BIRC6: variants seen among roughly 807,000 people sequenced by gnomAD.
BIRC6 encodes baculoviral IAP repeat containing 6.
Under a neutral mutation model 503.3 loss-of-function variants are expected in BIRC6, and 98 were observed. That is an observed-to-expected ratio of 0.19 (90% confidence interval 0.17 to 0.23). The LOEUF (loss-of-function observed/expected upper bound fraction) is 0.23. Among genes scored for constraint, BIRC6 ranks in the 10% least tolerant of loss-of-function variants. BIRC6 has a pLI of 1.00. For synonymous variants in BIRC6, 2,240 were observed against 2,078.7 expected (o/e 1.08, Z -2.11); for missense variants, 5,360 against 5,806.0 (o/e 0.92, Z 2.50).
chr2:32,601,109 C>T (rs1198866935), intron 70 of BIRC6, among the ~76,000 whole-genome samples: 1 of 152,226 alleles, frequency 6.6e-6, no homozygotes, highest in Non-Finnish European at 1.5e-5. Flanking sequence ...GTTGCACAAG[C>T]TTGCACTAAA....
intron 61 of BIRC6, among the ~76,000 whole-genome samples, chr2:32,542,899 A>G (rs1473927812): frequency 1.3e-5 from 2 of 152,098 alleles, no homozygotes; most frequent in African/African-American, 4.8e-5. Flanking sequence ...TCCTGGGTTC[A>G]AGTGTTTCTC....
intron 66 of BIRC6, among the ~76,000 whole-genome samples, chr2:32,592,220 G>T (rs1437868868): frequency 6.6e-6 from 1 of 152,150 alleles, no homozygotes; most frequent in Non-Finnish European, 1.5e-5. Flanking sequence ...GTCATTTCCT[G>T]AGTGGTAAAG....
chr2:32,482,401 A>G, intron 38 of BIRC6, 28 bp from the exon 39 acceptor site: 1 of 1,601,934 alleles, frequency 6.2e-7, no homozygotes. Flanking sequence ...GCAAAAATAA[A>G]CCACAGTTTT....
At chr2:32,437,347 TG>T (rs975662690) in intron 15 of BIRC6, among the ~76,000 whole-genome samples, 5 of 152,128 alleles carry the variant, frequency 3.3e-5, no homozygotes, top group African/African-American at 9.7e-5. Context: ...TTTTGTATTC[TG>T]GGGGTAAATA....
intron 16 of BIRC6, among the ~76,000 whole-genome samples, chr2:32,439,940 G>A (rs962795845): frequency 6.6e-6 from 1 of 152,006 alleles, no homozygotes; most frequent in African/African-American, 2.4e-5. Flanking sequence ...ATGCAGTGGC[G>A]CAAACTCGGC....
chr2:32,485,355 C>G (rs2050875388), intron 39 of BIRC6, among the ~76,000 whole-genome samples: 1 of 152,204 alleles, frequency 6.6e-6, no homozygotes, highest in Non-Finnish European at 1.5e-5. Context: ...GCACTTTATT[C>G]TGACAGTGAG....
intron 54 of BIRC6, among the ~76,000 whole-genome samples, chr2:32,514,454 A>G (rs1415575198): frequency 6.6e-6 from 1 of 152,238 alleles, no homozygotes; most frequent in African/African-American, 2.4e-5. Context: ...ACTGATAGCT[A>G]ACTATTAAGT....
At chr2:32,557,863 A>G (rs893872428) in intron 65 of BIRC6, 1 of 152,216 alleles carries the variant, frequency 6.6e-6, no homozygotes, top group African/African-American at 2.4e-5. Flanking sequence ...TTCCCAGAAA[A>G]TGTCTTCATC....
rs913752909 is a variant in BIRC6 at position 32,529,811 on chromosome 2, A to G, written c.12081A>G (p.Leu4027=). 11 of 1,607,068 alleles carry G rather than the reference A, an allele frequency of 6.8e-6. No individual in the cohort carries two copies. Among genetic ancestry groups the G allele is most frequent in the Non-Finnish European group, 8.5e-6 (10 of 1,176,756 alleles). ...CAAAAACAGATTCTTATAAAAGACT[A>G]CACCCTGAAAAAGGTATGTGCATAA... The part of the protein sequence containing the change: ...SLSKTDSYKR[L]HPEKDHGDLL... Residue 4027 remains leucine, a synonymous_variant, in exon 60 of 74, where the codon CTA becomes CTG. Coordinates refer to ENST00000421745, the MANE Select transcript of BIRC6 (RefSeq NM_016252.4).
chr2:32,529,330 G>GC (rs796621581), intron 59 of BIRC6: 55 of 215,792 alleles, frequency 2.5e-4, no homozygotes, highest in African/African-American at 9.8e-4. Context: ...AGACTATATG[G>GC]CCCCCCCAGG....
chr2:32,486,706 T>G (rs1276602096), intron 40 of BIRC6, among the ~76,000 whole-genome samples: 1 of 152,222 alleles, frequency 6.6e-6, no homozygotes, highest in Non-Finnish European at 1.5e-5. Context: ...TTTTTACATC[T>G]TCCTTATGTT....
At position 32,529,677 on chromosome 2, in the gene BIRC6, C is replaced by T. The variant is rs1279591157; in HGVS notation, c.11947C>T (p.Leu3983Phe). Residue 3983 changes from leucine to phenylalanine, a missense_variant, in exon 60 of 74, where the codon CTT becomes TTT. Leu to Phe is a conservative substitution (Grantham distance 22). This residue lies in a region of BIRC6 where 878 missense variants were observed against 928.9 expected (regional missense o/e 0.95). Transcript: ENST00000421745. ...AGQPLPAEMTLAQLLTLLYDR... is the reference protein window; with the variant it reads ...AGQPLPAEMTFAQLLTLLYDR... The stretch of plus-strand genomic sequence containing the variant: ...CCAGCCATTGCCAGCTGAAATGACA[C>T]TTGCCCAGCTTTTAACTCTCCTATA... 9 of 1,603,754 alleles carry T rather than the reference C, an allele frequency of 5.6e-6. No individual in the cohort carries two copies. The highest frequency in any genetic ancestry group is 7.7e-6 in the Non-Finnish European group (9 of 1,176,094).
At chr2:32,606,466 G>A (rs1336359105) in intron 71 of BIRC6, among the ~76,000 whole-genome samples, 2 of 151,922 alleles carry the variant, frequency 1.3e-5, no homozygotes, top group Admixed American at 6.6e-5. Context: ...GGTGATGCAC[G>A]CCTATAGTCC....
In BIRC6 at chr2:32,480,056, A is replaced by G. The variant is rs180930713; in HGVS notation, c.7408+439A>G. On this transcript the variant is annotated intron_variant, in intron 37 of 73. Transcript: ENST00000421745. The stretch of plus-strand genomic sequence containing the variant: ...ATCTCCATACCCCTTACTTTTCAAA[A>G]GTCTGTTTTGGGTACTAATCTGTAT... 3.3e-5 allele frequency among the ~76,000 whole-genome samples: 5 copies of G among 152,220 alleles called. No homozygotes were observed. The East Asian group carries it at 9.7e-4, about 29-fold the overall frequency.
In BIRC6 at chr2:32,499,578, G is replaced by A. The variant is rs777114377; in HGVS notation, c.8500G>A (p.Asp2834Asn). ...GAFQTGQGPL[D>N]AQVKLLEFTL... ...TTTCCAGACAGGCCAAGGACCTCTC[G>A]ATGCCCAAGTGAAGCTCTTAGAATT... Residue 2834 changes from aspartate to asparagine, a missense_variant, in exon 46 of 74, where the codon GAT becomes AAT. Coordinates refer to ENST00000421745, the MANE Select transcript of BIRC6 (RefSeq NM_016252.4). 1.2e-6 allele frequency: 2 copies of A among 1,612,088 alleles called. No individual in the cohort carries two copies. Among genetic ancestry groups the A allele is most frequent in the Admixed American group, 1.7e-5 (1 of 59,836 alleles).
At chr2:32,416,251 T>G (rs2042360712) in intron 10 of BIRC6, 88 bp downstream of exon 10, 1 of 1,294,316 alleles carries the variant, frequency 7.7e-7, no homozygotes, top group Non-Finnish European at 1.1e-6. Context: ...AATTTTAGGT[T>G]CAAATAGATG....
Position 32,470,295 on chromosome 2 carries a change from A to G in BIRC6, c.6475A>G (p.Thr2159Ala), listed in dbSNP as rs2048975393. ...LQPQLPMHRR[T>A]EGVLDIPMIS... ...GCCACAGTTACCCATGCATAGGAGGACAGAAGGTATTAAGAGAAAGCAGTG... is the reference window on the plus strand; with the variant it reads ...GCCACAGTTACCCATGCATAGGAGGGCAGAAGGTATTAAGAGAAAGCAGTG... Residue 2159 changes from threonine to alanine, a missense_variant, in exon 31 of 74, where the codon ACA becomes GCA. Coordinates refer to ENST00000421745, the MANE Select transcript of BIRC6 (RefSeq NM_016252.4). The G allele has an allele frequency of 6.4e-7, 1 of 1,566,028 alleles. No homozygotes were observed. Among genetic ancestry groups the G allele is most frequent in the African/African-American group, 1.4e-5 (1 of 73,538 alleles).
At chr2:32,470,003 T>G (rs2048950933) in intron 30 of BIRC6, among the ~76,000 whole-genome samples, 165 bp from the exon 31 acceptor site, 1 of 152,234 alleles carries the variant, frequency 6.6e-6, no homozygotes, top group Admixed American at 6.5e-5. Context: ...AATTTTAGCT[T>G]CATACCTCCA....
intron 5 of BIRC6, among the ~76,000 whole-genome samples, chr2:32,394,433 C>T (rs1322254941): frequency 6.6e-6 from 1 of 151,756 alleles, no homozygotes; most frequent in Non-Finnish European, 1.5e-5. Flanking sequence ...GCATTTTGTC[C>T]TATGTTGTAT....
Sources: gnomAD v4.1 joint callset for allele counts (sites outside exome capture counted in the v4.1 genomes callset) on GRCh38, gnomAD v4.1.1 for gene constraint, gnomAD v4.1.1 regional missense constraint, MANE v1.5 for transcripts, NCBI Gene and HGNC (gene_info 2026-07-23, HGNC 2026-07-21) for gene names.